Variants in ANKRD13A observed in about 807,000 individuals in gnomAD.
The protein encoded by ANKRD13A is ankyrin repeat domain-containing protein 13A.
Under a neutral mutation model 81.3 loss-of-function variants are expected in ANKRD13A, and 48 were observed. That is an observed-to-expected ratio of 0.59 (90% CI 0.47 to 0.75). ANKRD13A has a LOEUF of 0.75. Among genes scored for constraint, ANKRD13A ranks in the 30% least tolerant of loss-of-function variants. The probability of loss-of-function intolerance (pLI) is 0.00; values close to 1 mark genes in which losing one functional copy is unlikely to be tolerated. For missense variants in ANKRD13A, 612 were observed against 734.0 expected (o/e 0.83, Z 1.92); for synonymous variants, 230 against 270.1 (o/e 0.85, Z 1.45).
At chr12:110,001,830 T>A (rs74725620) in intron 1 of ANKRD13A, among the ~76,000 whole-genome samples, 1 of 152,190 alleles carries the variant, frequency 6.6e-6, no homozygotes, top group African/African-American at 2.4e-5. Context: ...ACACATGCCC[T>A]CAGACTAAAT....
chr12:110,001,126 A>C (rs1015935164), intron 1 of ANKRD13A, among the ~76,000 whole-genome samples: 4 of 151,172 alleles, frequency 2.6e-5, no homozygotes, highest in African/African-American at 9.7e-5. Flanking sequence ...TCAAGCTAAC[A>C]AACTTAGCAG....
chr12:110,000,074 C>T (rs550901164), intron 1 of ANKRD13A, among the ~76,000 whole-genome samples: 1 of 152,314 alleles, frequency 6.6e-6, no homozygotes, highest in South Asian at 2.1e-4. Context: ...GTGCCTTGTG[C>T]GAGGCCGCCC....
At chr12:110,003,751 T>C (rs949227587) in intron 1 of ANKRD13A, among the ~76,000 whole-genome samples, 2 of 152,120 alleles carry the variant, frequency 1.3e-5, no homozygotes, top group Non-Finnish European at 2.9e-5. Flanking sequence ...GGCAGGAGGA[T>C]GGCAAGATAG....
intron 1 of ANKRD13A, among the ~76,000 whole-genome samples, chr12:110,002,890 C>G (rs371822982): frequency 6.6e-6 from 1 of 152,200 alleles, no homozygotes; most frequent in East Asian, 1.9e-4. Context: ...CCCAATCCCA[C>G]TGTCTCACTA....
chr12:110,026,137 AT>A (rs1355601515), intron 8 of ANKRD13A, among the ~76,000 whole-genome samples: 1 of 150,992 alleles, frequency 6.6e-6, no homozygotes, highest in Non-Finnish European at 1.5e-5. Context: ...AATTTTTTGT[AT>A]TTTCAGTAGA....
Position 110,036,432 on chromosome 12 carries a change from G to C in ANKRD13A, c.1577+104G>C. 8.3e-7 allele frequency: 1 copy of C among 1,209,212 alleles called. No homozygotes were observed. Among genetic ancestry groups the C allele is most frequent in the Non-Finnish European group, 1.2e-6 (1 of 815,990 alleles). 74.9% of individuals were successfully genotyped at this position (1,209,212 alleles called of 1,614,324 possible). A position where few individuals can be genotyped will look rare whatever the true frequency, so the allele number is the denominator to read the frequency against. On this transcript the variant is annotated intron_variant, in intron 14 of 14. Transcript: ENST00000261739. The surrounding 1 kb of genome is among the most constrained non-coding windows in gnomAD (Gnocchi z 4.6). The stretch of plus-strand genomic sequence containing the variant: ...GCATTTGGTCCTCAGGCAGATGTAC[G>C]GTGCCACAAACTGGCAGGAAAGACT...
rs954324818 is a variant in ANKRD13A at position 110,019,255 on chromosome 12, A to G, written c.661A>G (p.Arg221Gly). ...LTLDLMKPKS[R>G]EVERRLTSPV... ...TCTGGACTTGATGAAGCCAAAAAGC[A>G]GGGAAGTTGAGCGGCGGCTCACAAG... Residue 221 changes from arginine (R) to glycine (G), a missense_variant, in exon 6 of 15, where the codon AGG (arginine) becomes GGG (glycine). Coordinates refer to ENST00000261739, the MANE Select transcript of ANKRD13A (RefSeq NM_033121.2). 1.9e-6 allele frequency: 3 copies of G among 1,614,192 alleles called. No homozygotes were observed. Among genetic ancestry groups the G allele is most frequent in the Non-Finnish European group, 2.5e-6 (3 of 1,180,002 alleles).
Position 110,036,065 on chromosome 12 carries a change from G to A in ANKRD13A, c.1510-196G>A. The A allele has an allele frequency of 1.7e-6, 1 of 575,790 alleles. No individual in the cohort carries two copies. The highest frequency in any genetic ancestry group is 3.2e-6 in the Non-Finnish European group (1 of 314,596). The allele number at this position is 575,790 out of a possible 1,614,324, so 35.7% of individuals were successfully genotyped here. ...TGAGAAGGTTGTGGCTGTGAGTTAG[G>A]CTGTGGCATGTTACTACCTCCCACT... is the stretch of plus-strand genomic sequence containing the variant. On this transcript the variant is annotated intron_variant, in intron 13 of 14. Transcript: ENST00000261739. The surrounding 1 kb of genome is among the most constrained non-coding windows in gnomAD (Gnocchi z 4.6).
intron 8 of ANKRD13A, chr12:110,027,475 C>A: frequency 2.0e-6 from 1 of 492,890 alleles, no homozygotes; most frequent in Non-Finnish European, 3.7e-6. Flanking sequence ...CAGACTCTTC[C>A]CATTATTCTG....
At position 110,038,113 on chromosome 12, in the gene ANKRD13A, C is replaced by T. The variant is rs1892176775; in HGVS notation, c.*559C>T. On this transcript the variant is annotated 3_prime_UTR_variant, in exon 15 of 15. Transcript: ENST00000261739. ...CTCCATCTATCTGATTCCATTCCTT[C>T]CACACCCAGCTAAAGTTAGAGGAGA... is the stretch of plus-strand genomic sequence containing the variant. The T allele has an allele frequency of 6.5e-6, 1 of 152,674 alleles. No individual in the cohort carries two copies. Among genetic ancestry groups the T allele is most frequent in the South Asian group, 2.1e-4 (1 of 4,836 alleles). The allele number at this position is 152,674 out of a possible 1,614,324, so 9.5% of individuals were successfully genotyped here. A position where few individuals can be genotyped will look rare whatever the true frequency, so the allele number is the denominator to read the frequency against.
chr12:110,022,554 G>T (rs1488881122), intron 6 of ANKRD13A: 1 of 152,204 alleles, frequency 6.6e-6, no homozygotes, highest in African/African-American at 2.4e-5. Flanking sequence ...TGGGAGAAAA[G>T]CATAGCGCCG....
chr12:110,028,396 T>C, intron 9 of ANKRD13A, 116 bp from the exon 10 acceptor site: 1 of 1,266,398 alleles, frequency 7.9e-7, no homozygotes, highest in Non-Finnish European at 1.1e-6. Context: ...AGTTAGTGAA[T>C]AGAACTTCCC....
intron 12 of ANKRD13A, 93 bp from the exon 13 acceptor site, chr12:110,033,704 C>T: frequency 8.3e-7 from 1 of 1,201,750 alleles, no homozygotes; most frequent in Non-Finnish European, 1.1e-6. Context: ...TAATTTTGAG[C>T]CTTTCTTTTT....
intron 1 of ANKRD13A, among the ~76,000 whole-genome samples, chr12:110,002,191 G>C (rs939054005): frequency 2.3e-4 from 35 of 152,206 alleles, no homozygotes; most frequent in African/African-American, 8.2e-4. Flanking sequence ...CAGGCATATG[G>C]TAATTGGAAA....
intron 1 of ANKRD13A, among the ~76,000 whole-genome samples, chr12:110,004,171 A>T (rs570838914): frequency 5.3e-5 from 8 of 152,020 alleles, no homozygotes; most frequent in Admixed American, 1.3e-4. Context: ...AAAAAAATAA[A>T]TTTTTTTTAA....
At chr12:110,021,425 CTTTTT>C (rs59262099) in intron 6 of ANKRD13A, 18 of 130,176 alleles carry the variant, frequency 1.4e-4, no homozygotes, top group Non-Finnish European at 2.4e-4. Context: ...TTTTTTCTTT[CTTTTT>C]TTTTTTTTTT....
At position 110,033,935 on chromosome 12, in the gene ANKRD13A, T is replaced by C. The variant is rs1566064464; in HGVS notation, c.1487T>C (p.Leu496Pro). Reference sequence around the variant, plus strand: ...ATGCAGTTTGCCATCCAGCAAAGTCTGCTGGAGTCCAGCAGGAGCCAGGTG... The same window carrying C: ...ATGCAGTTTGCCATCCAGCAAAGTCCGCTGGAGTCCAGCAGGAGCCAGGTG... ...EIMQFAIQQS[L>P]LESSRSQELS... The change falls in exon 13 of 15, where the codon CTG becomes CCG. Residue 496 changes from leucine (L) to proline (P), a missense_variant. Physicochemically the swap from Leu to Pro is moderately conservative, Grantham distance 98. Transcript: ENST00000261739. The C allele has an allele frequency of 6.2e-7, 1 of 1,611,472 alleles. No homozygotes were observed. The highest frequency in any genetic ancestry group is 2.2e-5 in the East Asian group (1 of 44,706).
At chr12:110,027,159 TC>T (rs1891389534) in intron 8 of ANKRD13A, 2 of 153,012 alleles carry the variant, frequency 1.3e-5, no homozygotes, top group Non-Finnish European at 2.9e-5. Flanking sequence ...CCCAGCCCCA[TC>T]CCAGCCCCAC....
chr12:110,031,102 A>G (rs932164214), intron 12 of ANKRD13A, among the ~76,000 whole-genome samples: 11 of 151,816 alleles, frequency 7.2e-5, no homozygotes, highest in Non-Finnish European at 1.5e-4. Context: ...GCAAAACTAC[A>G]TCTCAAAAAA....
Sources: gnomAD v4.1 joint callset for allele counts (sites outside exome capture counted in the v4.1 genomes callset) on GRCh38, gnomAD v4.1.1 for gene constraint, Gnocchi (gnomAD v3.1) non-coding constraint, MANE v1.5 for transcripts, NCBI Gene and HGNC (gene_info 2026-07-23, HGNC 2026-07-21) for gene names.